The following NUMA1 variants were observed in gnomAD, a reference collection of about 807,000 sequenced individuals.
NUMA1 encodes the protein SP-H antigen.
Under a neutral mutation model 237.1 loss-of-function variants are expected in NUMA1, and 62 were observed. That is an observed-to-expected ratio of 0.26 (90% CI 0.21 to 0.32). The LOEUF (loss-of-function observed/expected upper bound fraction) is 0.32. NUMA1 is among the 10% of genes least tolerant of loss of function. The pLI is 1.00. For synonymous variants in NUMA1, 1,028 were observed against 1,066.1 expected, an observed-to-expected ratio of 0.96 and a Z score of 0.70; for missense variants, 2,533 against 2,666.5, an observed-to-expected ratio of 0.95 and a Z score of 1.10.
chr11:72,047,948 T>C (rs1231604675), intron 2 of NUMA1: 5 of 152,174 alleles, frequency 3.3e-5, no homozygotes, highest in African/African-American at 9.7e-5. Context: ...TCGTTCCTAT[T>C]TTATTTTGTT....
At position 72,051,471 on chromosome 11, in the gene NUMA1, A is replaced by ATTT. The variant is rs61257330; in HGVS notation, c.-32-15499_-32-15497dup. On this transcript the variant is annotated intron_variant, in intron 2 of 26. Coordinates refer to ENST00000393695, the MANE Select transcript of NUMA1 (RefSeq NM_006185.4). ...TACATACTGTGCTAGGAATTCAAAG[A>ATTT]TTTTTTTTTTTTTTTTTGAGACAAG... Among the ~76,000 whole-genome samples the ATTT allele has an allele frequency of 2.2e-3, 313 of 142,630 alleles. 6 individuals are homozygous for ATTT. Among genetic ancestry groups the ATTT allele is most frequent in the African/African-American group, 6.8e-3 (263 of 38,574 alleles). The allele number at this position is 142,630 out of a possible 152,430, so 93.6% of individuals were successfully genotyped here. A position where few individuals can be genotyped will look rare whatever the true frequency, so the allele number is the denominator to read the frequency against.
At chr11:72,041,160 C>T (rs572848283) in intron 2 of NUMA1, 2 of 152,156 alleles carry the variant, frequency 1.3e-5, no homozygotes, top group African/African-American at 4.8e-5. Context: ...AGTCTGCTTT[C>T]TTTAAAGGCA....
chr11:72,003,688 C>A, intron 26 of NUMA1, 150 bp from the exon 27 acceptor site: 1 of 1,105,118 alleles, frequency 9.0e-7, no homozygotes. Flanking sequence ...TGTGCCTGAG[C>A]AGCTCTGGGT....
chr11:72,073,923 G>A (rs2136314728), intron 1 of NUMA1, among the ~76,000 whole-genome samples: 1 of 152,268 alleles, frequency 6.6e-6, no homozygotes, highest in Non-Finnish European at 1.5e-5. Context: ...TGGCTGCGGT[G>A]GATCAGGCCT....
chr11:72,005,354 T>C lies in NUMA1; in HGVS notation c.5708A>G (p.Tyr1903Cys), dbSNP rs1197783311. The C allele has an allele frequency of 6.2e-7, 1 of 1,608,024 alleles. No individual in the cohort carries two copies. The change falls in exon 23 of 27, where the codon TAC (tyrosine) becomes TGC (cysteine). Residue 1903 changes from tyrosine (Y) to cysteine (C), a missense_variant. Transcript: ENST00000393695. ...SGAPPGRNSFYMGTCQDEPEQ... is the reference protein window; with the variant it reads ...SGAPPGRNSFCMGTCQDEPEQ... ...AGGCTCATCCTGGCAAGTGCCCATG[T>C]AGAAGCTGTTCCTTCCTGTGGAAGG...
At position 72,004,297 on chromosome 11, in the gene NUMA1, T is replaced by C; in HGVS notation, c.6051A>G (p.Arg2017=). 1 of 1,613,430 alleles carries C rather than the reference T, an allele frequency of 6.2e-7. No homozygotes were observed. Among genetic ancestry groups the C allele is most frequent in the Non-Finnish European group, 8.5e-7 (1 of 1,179,876 alleles). ...TSCFPRPMTP[R]DRHEGRKQST... The stretch of plus-strand genomic sequence containing the variant: ...TCTGTTTGCGCCCTTCATGTCGGTC[T>C]CGGGGAGTCATGGGGCGTGGGAAAC... The change falls in exon 25 of 27, where the codon CGA becomes CGG. Residue 2017 remains arginine, a synonymous_variant. Transcript: ENST00000393695.
At chr11:72,024,470 G>T in intron 4 of NUMA1, 117 bp from the exon 5 acceptor site, 1 of 903,450 alleles carries the variant, frequency 1.1e-6, no homozygotes, top group South Asian at 1.4e-5. Context: ...ATCTGGAAGA[G>T]ATCCAGATCA....
intron 3 of NUMA1, among the ~76,000 whole-genome samples, chr11:72,033,410 T>C (rs969129945): frequency 6.6e-6 from 1 of 151,206 alleles, no homozygotes; most frequent in Non-Finnish European, 1.5e-5. Context: ...TTCACTCTAT[T>C]GTCCAGGCCG....
intron 3 of NUMA1, among the ~76,000 whole-genome samples, chr11:72,033,823 C>A (rs1940658280): frequency 1.3e-5 from 2 of 152,078 alleles, no homozygotes; most frequent in Non-Finnish European, 2.9e-5. Context: ...GAATTCAAGA[C>A]CAGCCTGGGA....
Position 72,004,240 on chromosome 11 carries a change from T to C in NUMA1, c.6108A>G (p.Pro2036=), listed in dbSNP as rs751146730. The C allele has an allele frequency of 1.2e-6, 2 of 1,611,534 alleles. No homozygotes were observed. The highest frequency in any genetic ancestry group is 2.2e-5 in the East Asian group (1 of 44,852). Residue 2036 remains proline (P), a synonymous_variant, in exon 25 of 27, where the codon CCA becomes CCG. Transcript: ENST00000393695. The stretch of plus-strand genomic sequence containing the variant: ...CCAGCCTCACCTGTTTAGTAGAAGC[T>C]GGAGCTGCTTTCTTCTGGGCCTCAG... ...STTEAQKKAA[P]ASTKQADRRQ... is the part of the protein sequence containing the mutation.
At chr11:72,018,743 C>T (rs1275739646) in intron 10 of NUMA1, 80 bp downstream of exon 10, 2 of 1,508,574 alleles carry the variant, frequency 1.3e-6, no homozygotes, top group African/African-American at 1.4e-5. Flanking sequence ...CAGGGGCCAG[C>T]AGAGGGGACA....
chr11:72,040,734 C>T (rs1368154673), intron 2 of NUMA1: 1 of 152,162 alleles, frequency 6.6e-6, no homozygotes, highest in East Asian at 1.9e-4. Context: ...AGAAAGCAAC[C>T]CTTTGCTCTG....
chr11:72,016,563 G>T (rs150792074), intron 13 of NUMA1, 33 bp from the exon 14 acceptor site: 8 of 1,605,874 alleles, frequency 5.0e-6, no homozygotes, highest in Admixed American at 1.7e-5. Flanking sequence ...TGAACAGAGA[G>T]GGGGAACAGG....
At chr11:72,068,201 G>A (rs528521544) in intron 2 of NUMA1, 5 of 152,234 alleles carry the variant, frequency 3.3e-5, no homozygotes, top group South Asian at 2.1e-4. Context: ...TTCTGGAGAT[G>A]GGACTGCAAT....
At chr11:72,018,535 G>A (rs763298667) in intron 10 of NUMA1, 22 bp from the exon 11 acceptor site, 2 of 1,592,582 alleles carry the variant, frequency 1.3e-6, no homozygotes, top group Non-Finnish European at 1.7e-6. Flanking sequence ...GGAGGGAGGA[G>A]GAGAGGAGAA....
chr11:72,016,132 G>A lies in NUMA1; in HGVS notation c.1371C>T (p.Phe457=), dbSNP rs752944008. 11 of 1,613,908 alleles carry A rather than the reference G, an allele frequency of 6.8e-6. No individual in the cohort carries two copies. Among genetic ancestry groups the A allele is most frequent in the East Asian group, 6.7e-5 (3 of 44,898 alleles). Residue 457 remains phenylalanine (F), a synonymous_variant, in exon 15 of 27, where the codon TTC becomes TTT. Transcript: ENST00000393695. ...TAGACAGCTGCTGCTTTTCTTCTTC[G>A]AAGTGGCCCCGCTCAGCAAGCAGCT... ...EAKLLAERGH[F]EEEKQQLSSL... is the part of the protein sequence containing the mutation.
At chr11:72,024,677 A>G in intron 4 of NUMA1, 1 of 330,316 alleles carries the variant, frequency 3.0e-6, no homozygotes, top group South Asian at 3.0e-5. Context: ...GGGAAGCTAT[A>G]TTACACCATC....
intron 13 of NUMA1, 189 bp downstream of exon 13, chr11:72,017,498 A>G (rs1419996929): frequency 2.0e-6 from 1 of 506,902 alleles, no homozygotes; most frequent in Non-Finnish European, 3.2e-6. Context: ...TTGACTGGGG[A>G]AAAAAAAAAT....
At chr11:72,017,885 C>A in intron 12 of NUMA1, 58 bp from the exon 13 acceptor site, 1 of 1,566,394 alleles carries the variant, frequency 6.4e-7, no homozygotes. Flanking sequence ...CCCACCACTG[C>A]TGTCTGCTCC....
Sources: gnomAD v4.1 joint callset for allele counts (sites outside exome capture counted in the v4.1 genomes callset) on GRCh38, gnomAD v4.1.1 for gene constraint, MANE v1.5 for transcripts, NCBI Gene and HGNC (gene_info 2026-07-23, HGNC 2026-07-21) for gene names.